Variants in CSTPP1 observed in about 807,000 individuals in gnomAD.
CSTPP1 encodes the protein centriolar satellite-associated tubulin polyglutamylase complex regulator 1, also known as UPF0705 protein C11orf49.
chr11:47,031,481 C>T, the CSTPP1 span, among the ~76,000 whole-genome samples: 4 of 152,082 alleles, frequency 2.6e-5, no homozygotes, highest in Non-Finnish European at 4.4e-5. Context: ...TGCTTTAGCT[C>T]AGGAGTTTGA....
the CSTPP1 span, among the ~76,000 whole-genome samples, chr11:47,141,928 G>A: frequency 2.9e-3 from 194 of 66,904 alleles, 1 homozygote; most frequent in Middle Eastern, 0.033. Flanking sequence ...GCTAGACTCT[G>A]TCTCAAAAAA....
chr11:47,137,647 T>C, the CSTPP1 span: 2 of 1,614,174 alleles, frequency 1.2e-6, no homozygotes, highest in Non-Finnish European at 8.5e-7. Context: ...CACTTCAGAT[T>C]TGCTGACCAT....
the CSTPP1 span, among the ~76,000 whole-genome samples, chr11:46,964,436 C>T: frequency 6.6e-6 from 1 of 152,252 alleles, no homozygotes; most frequent in East Asian, 1.9e-4. Flanking sequence ...TAGGCGCCCG[C>T]CTCCACGCCT....
At chr11:47,110,688 T>C in the CSTPP1 span, among the ~76,000 whole-genome samples, 106 of 152,300 alleles carry the variant, frequency 7.0e-4, no homozygotes, top group East Asian at 7.7e-3. Context: ...CAGAAGAAAC[T>C]GGCACAATTT....
At chr11:47,060,646 G>A in the CSTPP1 span, among the ~76,000 whole-genome samples, 2 of 152,068 alleles carry the variant, frequency 1.3e-5, no homozygotes, top group African/African-American at 2.4e-5. Flanking sequence ...TGGGGACCCG[G>A]GGAAAGGATG....
At chr11:47,041,633 G>C in the CSTPP1 span, 2 of 416,220 alleles carry the variant, frequency 4.8e-6, no homozygotes, top group African/African-American at 3.8e-5. Context: ...CTCATGCTCA[G>C]CATGTTTTCC....
At chr11:46,991,730 G>A in the CSTPP1 span, 1 of 152,040 alleles carries the variant, frequency 6.6e-6, no homozygotes, top group Non-Finnish European at 1.5e-5. Flanking sequence ...CTGGTTGCTT[G>A]AAGGTAGGCA....
the CSTPP1 span, among the ~76,000 whole-genome samples, chr11:47,060,313 C>A: frequency 7.5e-6 from 1 of 133,216 alleles, no homozygotes; most frequent in Non-Finnish European, 1.5e-5. Flanking sequence ...TGCCCACTCA[C>A]TGCAACCTCT....
the CSTPP1 span, among the ~76,000 whole-genome samples, chr11:47,140,591 G>A: frequency 1.3e-5 from 2 of 151,684 alleles, no homozygotes; most frequent in East Asian, 2.0e-4. Context: ...CACCATGCCC[G>A]GCTAATTTTT....
the CSTPP1 span, among the ~76,000 whole-genome samples, chr11:46,994,512 T>C: frequency 1.2e-4 from 18 of 152,216 alleles, no homozygotes; most frequent in Non-Finnish European, 2.2e-4. Context: ...TCAAAGGCCT[T>C]TTCTGCATCT....
the CSTPP1 span, among the ~76,000 whole-genome samples, chr11:47,039,775 C>T: frequency 1.8e-4 from 23 of 128,100 alleles, 4 homozygotes; most frequent in Non-Finnish European, 3.7e-4. Context: ...GGAGGCGGAG[C>T]TTGCAGTGAG....
the CSTPP1 span, among the ~76,000 whole-genome samples, chr11:47,150,542 G>A: frequency 6.6e-6 from 1 of 152,162 alleles, no homozygotes; most frequent in Admixed American, 6.5e-5. Context: ...AGTAGCAGGG[G>A]GGCCTATTCT....
chr11:46,988,315 G>A, the CSTPP1 span, among the ~76,000 whole-genome samples: 16 of 152,164 alleles, frequency 1.1e-4, no homozygotes, highest in Non-Finnish European at 2.1e-4. Context: ...CAATCTAAGT[G>A]TCCATCAACA....
At chr11:47,157,739 T>G in the CSTPP1 span, 2 of 1,454,582 alleles carry the variant, frequency 1.4e-6, no homozygotes, top group Admixed American at 3.5e-5. Flanking sequence ...GGTATCCTCA[T>G]GAACCTGAAA....
chr11:47,001,872 G>A, the CSTPP1 span, among the ~76,000 whole-genome samples: 1 of 152,130 alleles, frequency 6.6e-6, no homozygotes, highest in African/African-American at 2.4e-5. Context: ...GAGGCAACAA[G>A]AAGCACATCA....
the CSTPP1 span, among the ~76,000 whole-genome samples, chr11:47,054,928 ATTTTTTTTTTT>A: frequency 4.4e-5 from 3 of 68,784 alleles, no homozygotes; most frequent in South Asian, 5.5e-4. Flanking sequence ...ATAAATTTCA[ATTTTTTTTTTT>A]TTTTTTTTTT....
At chr11:47,011,425 G>A in the CSTPP1 span, among the ~76,000 whole-genome samples, 2 of 152,308 alleles carry the variant, frequency 1.3e-5, no homozygotes, top group South Asian at 4.1e-4. Context: ...ATTAGGCAAG[G>A]TAGATGAAAA....
the CSTPP1 span, among the ~76,000 whole-genome samples, chr11:47,159,442 G>C: frequency 6.6e-6 from 1 of 152,274 alleles, no homozygotes; most frequent in East Asian, 1.9e-4. Context: ...CCCAGAAGGC[G>C]GAGGTTGCGG....
chr11:47,134,535 C>T, the CSTPP1 span, among the ~76,000 whole-genome samples: 1 of 152,202 alleles, frequency 6.6e-6, no homozygotes, highest in African/African-American at 2.4e-5. Context: ...CATGGCTACT[C>T]ACTCTCTTTA....
Sources: allele counts gnomAD v4.1 joint callset (sites outside exome capture counted in the v4.1 genomes callset), GRCh38; gene constraint gnomAD v4.1.1; transcripts MANE v1.5; gene names NCBI Gene and HGNC (gene_info 2026-07-23, HGNC 2026-07-21).